The following AMZ1 variants were observed in gnomAD, a reference collection of about 807,000 sequenced individuals.
AMZ1 encodes the protein archaemetzincin-1.
A neutral mutation model predicts 29.9 loss-of-function variants in AMZ1; 39 were observed. The observed-to-expected ratio is 1.30, with a 90% CI of 1.01 to 1.70. The LOEUF is 1.70. Among genes scored for constraint, AMZ1 ranks in the 40% most tolerant of loss-of-function variants. The pLI, the probability that AMZ1 is intolerant of heterozygous loss-of-function variation, is 0.00. For missense variants in AMZ1, 1,041 were observed against 680.6 expected (o/e 1.53, Z -5.89); for synonymous variants, 458 against 304.0 (o/e 1.51, Z -5.27).
upstream of AMZ1, among the ~76,000 whole-genome samples, chr7:2,764,325 C>A (rs539275544): frequency 6.6e-6 from 1 of 151,778 alleles, no homozygotes; most frequent in South Asian, 2.1e-4. Context: ...TGGAGTGATC[C>A]TCCCATCTCA....
chr7:2,685,011 A>G (rs1787019249), upstream of AMZ1, among the ~76,000 whole-genome samples: 2 of 151,190 alleles, frequency 1.3e-5, no homozygotes, highest in Non-Finnish European at 2.9e-5. Flanking sequence ...CTGGGACTAC[A>G]GGCGCCCGCC....
chr7:2,708,487 G>T, intron 3 of AMZ1, 101 bp from the exon 4 acceptor site: 3 of 1,542,496 alleles, frequency 1.9e-6, no homozygotes, highest in Non-Finnish European at 1.7e-6. Context: ...GAAGGGGCAG[G>T]GCCCAGGCAG....
At chr7:2,681,290 A>G (rs1013624598) in intron 1 of AMZ1, among the ~76,000 whole-genome samples, 1 of 152,022 alleles carries the variant, frequency 6.6e-6, no homozygotes, top group Admixed American at 6.5e-5. Context: ...TGGTGCAATC[A>G]TGGCTCACTG....
intron 4 of AMZ1, among the ~76,000 whole-genome samples, chr7:2,740,775 T>C (rs1790458682): frequency 6.6e-6 from 1 of 152,174 alleles, no homozygotes; most frequent in African/African-American, 2.4e-5. Flanking sequence ...CTCGCCGCGG[T>C]GACTCATGCC....
chr7:2,692,411 G>A (rs538527543), intron 1 of AMZ1, among the ~76,000 whole-genome samples: 66 of 152,262 alleles, frequency 4.3e-4, no homozygotes, highest in Admixed American at 2.7e-3. Flanking sequence ...GTGTGGTGGC[G>A]GGCGCCTTTA....
chr7:2,712,892 G>T lies in AMZ1; in HGVS notation c.*14G>T. 6.6e-7 allele frequency: 1 copy of T among 1,509,632 alleles called. No homozygotes were observed. The highest frequency in any genetic ancestry group is 1.3e-5 in the South Asian group (1 of 74,608). 93.5% of individuals were successfully genotyped at this position (1,509,632 alleles called of 1,614,324 possible). On this transcript the variant is annotated 3_prime_UTR_variant, in exon 7 of 7. Coordinates refer to ENST00000683327, the MANE Select transcript of AMZ1 (RefSeq NM_001384743.1). Reference sequence around the variant, plus strand: ...GAAGAGAGTTAGTACAGCAGGGGCTGCCCTACGTCTCCTTCCCTAAGGATG... The same window carrying T: ...GAAGAGAGTTAGTACAGCAGGGGCTTCCCTACGTCTCCTTCCCTAAGGATG...
rs1346885717 is a variant in AMZ1, at chr7:2,709,276, G to C, written c.771+32G>C. ...GGGGGCTCTGGGGCTGGTAAGAGGG[G>C]ACAGGAGGGTGCTGTCTGAGCCCTT... On this transcript the variant is annotated intron_variant, in intron 5 of 6. Transcript: ENST00000683327. The C allele has an allele frequency of 4.1e-6, 6 of 1,479,900 alleles. No homozygotes were observed. The African/African-American group carries it at 7.1e-5, about 17-fold the overall frequency. 91.7% of individuals were successfully genotyped at this position (1,479,900 alleles called of 1,614,324 possible). A position where few individuals can be genotyped will look rare whatever the true frequency, so the allele number is the denominator to read the frequency against.
intron 1 of AMZ1, among the ~76,000 whole-genome samples, chr7:2,693,717 G>C (rs1787542798): frequency 1.3e-5 from 2 of 152,116 alleles, no homozygotes; most frequent in Non-Finnish European, 2.9e-5. Flanking sequence ...CACCACGCCT[G>C]GCTAATTTTT....
chr7:2,712,729 A>G lies in AMZ1; in HGVS notation c.1348A>G (p.Thr450Ala), dbSNP rs1367643468. 3 of 1,607,116 alleles carry G rather than the reference A, an allele frequency of 1.9e-6. No individual in the cohort carries two copies. Among genetic ancestry groups the G allele is most frequent in the Non-Finnish European group, 2.6e-6 (3 of 1,176,370 alleles). The change falls in exon 7 of 7, where the codon ACC (threonine) becomes GCC (alanine). Residue 450 changes from threonine to alanine, a missense_variant. By Grantham distance (58) the Thr-to-Ala change is moderately conservative (BLOSUM62 0). Transcript: ENST00000683327. ...GATGTTCACGGGCCAGCTCCCGGCC[A>G]CCAGGCAGGACCCACCCAGCAGCAG... ...WEMFTGQLPA[T>A]RQDPPSSRDS...
intron 1 of AMZ1, among the ~76,000 whole-genome samples, chr7:2,698,158 C>G (rs1787848070): frequency 6.6e-6 from 1 of 152,124 alleles, no homozygotes; most frequent in African/African-American, 2.4e-5. Flanking sequence ...ACTCAGGAGG[C>G]TACTGTGAGC....
Position 2,716,790 on chromosome 7 carries a change from A to AT in AMZ1, c.*3919dup, listed in dbSNP as rs971409143. 4.2e-4 allele frequency among the ~76,000 whole-genome samples: 64 copies of AT among 152,132 alleles called. No homozygotes were observed. The highest frequency in any genetic ancestry group is 1.4e-3 in the African/African-American group (59 of 41,418). On this transcript the variant is annotated 3_prime_UTR_variant, in exon 7 of 7. Coordinates refer to ENST00000683327, the MANE Select transcript of AMZ1 (RefSeq NM_001384743.1). Reference sequence around the variant, plus strand: ...TAAGGGGTCCTTCCTATGTAACGGAATTTTTTTACATCATCATCGAGTCTC... The same window carrying AT: ...TAAGGGGTCCTTCCTATGTAACGGAATTTTTTTTACATCATCATCGAGTCTC...
chr7:2,698,817 A>C (rs2969024), intron 1 of AMZ1, among the ~76,000 whole-genome samples: 95,497 of 152,008 alleles, frequency 0.63, 31,343 homozygotes, highest in African/African-American at 0.83. Context: ...GCCTGGACGA[A>C]ACAGCGAGAC....
downstream of AMZ1, among the ~76,000 whole-genome samples, chr7:2,724,036 GCTGAGATTA>G (rs918717504): frequency 1.3e-5 from 2 of 151,504 alleles, no homozygotes; most frequent in Admixed American, 6.6e-5. Context: ...CTCCCGAGTA[GCTGAGATTA>G]CAGGCGCCTG....
intron 6 of AMZ1, among the ~76,000 whole-genome samples, chr7:2,710,540 C>G (rs957034985): frequency 6.6e-6 from 1 of 152,186 alleles, no homozygotes; most frequent in African/African-American, 2.4e-5. Context: ...CCGAGCCTGT[C>G]AGAATCCCCT....
chr7:2,705,526 C>A (rs899232249), intron 3 of AMZ1, among the ~76,000 whole-genome samples: 1 of 152,238 alleles, frequency 6.6e-6, no homozygotes, highest in Non-Finnish European at 1.5e-5. Context: ...AAACCTTTCT[C>A]CTTAATCCAC....
intron 4 of AMZ1, among the ~76,000 whole-genome samples, chr7:2,741,284 G>A (rs1019916007): frequency 2.0e-5 from 3 of 152,114 alleles, no homozygotes; most frequent in Non-Finnish European, 4.4e-5. Context: ...GAGCCCAGGA[G>A]GTTGAGGATG....
rs71026549 is a variant in AMZ1 at position 2,757,129 on chromosome 7, C to CTTTTTTT, written n.551-7565_551-7559dup. On this transcript the variant is annotated intron_variant and non_coding_transcript_variant, in intron 4 of 4. Coordinates refer to the AMZ1 transcript ENST00000489665. ...GCAGGCCCGATCTAATCAGGTGGGC[C>CTTTTTTT]TTTTTTTTTTTTTTTTTTTTTTTTG... Among the ~76,000 whole-genome samples the CTTTTTTT allele has an allele frequency of 4.6e-3, 429 of 93,938 alleles. 9 individuals carry two copies. The highest frequency in any genetic ancestry group is 0.023 in the Middle Eastern group (3 of 132). The allele number at this position is 93,938 out of a possible 152,430, so 61.6% of individuals were successfully genotyped here.
At chr7:2,711,331 A>G (rs765033040) in intron 6 of AMZ1, among the ~76,000 whole-genome samples, 4 of 152,204 alleles carry the variant, frequency 2.6e-5, no homozygotes, top group African/African-American at 7.2e-5. Flanking sequence ...ACTGACAGCA[A>G]TCAGTGAAAT....
At chr7:2,732,610 C>T (rs986895568) in intron 4 of AMZ1, among the ~76,000 whole-genome samples, 4 of 152,146 alleles carry the variant, frequency 2.6e-5, no homozygotes, top group Non-Finnish European at 5.9e-5. Flanking sequence ...AGTGCACACA[C>T]CACTCAGGCA....
Sources: allele counts gnomAD v4.1 joint callset (sites outside exome capture counted in the v4.1 genomes callset), GRCh38; gene constraint gnomAD v4.1.1; transcripts MANE v1.5; gene names NCBI Gene and HGNC (gene_info 2026-07-23, HGNC 2026-07-21).